The following WNT8A variants were observed in gnomAD, a reference collection of about 807,000 sequenced individuals.
WNT8A encodes the protein Wnt family member 8A.
WNT8A carries 14 observed loss-of-function variants against 20.5 expected under a neutral mutation model. The observed-to-expected ratio is 0.68, with a 90% CI of 0.45 to 1.07. The LOEUF (loss-of-function observed/expected upper bound fraction) is 1.07. WNT8A is among the 50% of genes least tolerant of loss of function. The pLI, the probability that WNT8A is intolerant of heterozygous loss-of-function variation, is 0.00. For synonymous variants in WNT8A, 167 were observed against 169.2 expected (o/e 0.99, Z 0.10); for missense variants, 397 against 462.9 (o/e 0.86, Z 1.31).
chr5:138,082,913 AAAT>A (rs1465535801), upstream of WNT8A, among the ~76,000 whole-genome samples: 963 of 141,334 alleles, frequency 6.8e-3, 15 homozygotes, highest in African/African-American at 0.023. Flanking sequence ...ATAAATAAAT[AAAT>A]AAATAAAATA....
At chr5:138,088,889 G>A (rs770328383) in intron 3 of WNT8A, 38 bp from the exon 4 acceptor site, 135 of 1,606,084 alleles carry the variant, frequency 8.4e-5, no homozygotes, top group Non-Finnish European at 1.1e-4. Flanking sequence ...GACTGAGCAT[G>A]GAGCTACACG....
At chr5:138,087,344 T>A (rs1353480533) in intron 2 of WNT8A, among the ~76,000 whole-genome samples, 1 of 110,926 alleles carries the variant, frequency 9.0e-6, no homozygotes. Context: ...TGAGACTCTG[T>A]CTCAAAACAA....
chr5:138,091,069 C>T lies in WNT8A; in HGVS notation c.1106C>T (p.Ala369Val), dbSNP rs755071324. Reference protein sequence around the residue: ...GSAQSLGKGSA With the variant: ...GSAQSLGKGSV ...GCCCAGTCCCTGGGTAAGGGCAGTG[C>T]CTGATAATACCCCACACAAGTTCAC... The change falls in exon 5 of 5, where the codon GCC becomes GTC. Residue 369 changes from alanine (A) to valine (V), a missense_variant. Ala to Val is a moderately conservative substitution (Grantham distance 64). Transcript: ENST00000506684. 1.9e-6 allele frequency: 3 copies of T among 1,607,886 alleles called. No individual in the cohort carries two copies. The highest frequency in any genetic ancestry group is 2.6e-6 in the Non-Finnish European group (3 of 1,176,370).
At chr5:138,090,068 AC>A (rs1235112712) in intron 4 of WNT8A, among the ~76,000 whole-genome samples, 1 of 152,202 alleles carries the variant, frequency 6.6e-6, no homozygotes, top group East Asian at 1.9e-4. Context: ...GACCCAGAGG[AC>A]AAATCCAAAC....
intron 2 of WNT8A, among the ~76,000 whole-genome samples, chr5:138,084,937 T>C (rs1750612266): frequency 6.6e-6 from 1 of 152,252 alleles, no homozygotes; most frequent in African/African-American, 2.4e-5. Context: ...AATTACTCTT[T>C]TTTTTTTTTC....
At chr5:138,084,316 C>G in intron 1 of WNT8A, 33 bp downstream of exon 1, 1 of 1,611,574 alleles carries the variant, frequency 6.2e-7, no homozygotes, top group Non-Finnish European at 8.5e-7. Flanking sequence ...TTTTTACCCA[C>G]TGAGGGCCCT....
Position 138,088,993 on chromosome 5 carries a change from T to C in WNT8A, c.488T>C (p.Leu163Pro). 2 of 1,613,968 alleles carry C rather than the reference T, an allele frequency of 1.2e-6. No individual in the cohort carries two copies. Among genetic ancestry groups the C allele is most frequent in the Non-Finnish European group, 1.7e-6 (2 of 1,180,020 alleles). Residue 163 changes from leucine (L) to proline (P), a missense_variant, in exon 4 of 5, where the codon CTC (leucine) becomes CCC (proline). Transcript: ENST00000506684. ...NVEFGERISK[L>P]FVDSLEKGKD... is the part of the protein sequence containing the mutation. ...GAATTTGGGGAAAGGATCTCCAAAC[T>C]CTTTGTGGACAGTTTGGAGAAGGGG...
At chr5:138,080,878 A>G (rs956726013), upstream of WNT8A, among the ~76,000 whole-genome samples, 1 of 152,150 alleles carries the variant, frequency 6.6e-6, no homozygotes, top group Non-Finnish European at 1.5e-5. Context: ...CCAAGGTCAC[A>G]CAACAAGCCC....
Position 138,084,275 on chromosome 5 carries a change from G to C in WNT8A, c.148G>C (p.Gly50Arg). The change falls in exon 1 of 5, where the codon GGT becomes CGT. Residue 50 changes from glycine (G) to arginine (R), a missense_variant. Physicochemically the swap from Gly to Arg is moderately radical, Grantham distance 125 (BLOSUM62 -2). Transcript: ENST00000506684. ...GTCAGTGAACAATTTCCTGATAACA[G>C]GTCCCAAGGTAGGATGATCTCCAGC... ...GRSVNNFLIT[G>R]PKAYLTYTTS... is the part of the protein sequence containing the mutation. 6.2e-7 allele frequency: 1 copy of C among 1,614,094 alleles called. No homozygotes were observed. The highest frequency in any genetic ancestry group is 8.5e-7 in the Non-Finnish European group (1 of 1,180,016).
At chr5:138,080,845 C>A (rs1750493605), upstream of WNT8A, among the ~76,000 whole-genome samples, 1 of 152,096 alleles carries the variant, frequency 6.6e-6, no homozygotes, top group Non-Finnish European at 1.5e-5. Flanking sequence ...GAATCTAAGT[C>A]CAGATGGTGG....
chr5:138,086,222 C>A lies in WNT8A; in HGVS notation c.296-1584C>A, dbSNP rs77488281. Reference sequence around the variant, plus strand: ...CTCATCATTCTTTATTTCTTTCTTTCTTTATTTATTTTTGAGACAGGGTTT... The same window carrying A: ...CTCATCATTCTTTATTTCTTTCTTTATTTATTTATTTTTGAGACAGGGTTT... On this transcript the variant is annotated intron_variant, in intron 2 of 4. Transcript: ENST00000506684. Among the ~76,000 whole-genome samples, 1,386 of 152,070 alleles carry A rather than the reference C, an allele frequency of 9.1e-3. 12 individuals carry two copies. Among genetic ancestry groups the A allele is most frequent in the Non-Finnish European group, 0.012 (816 of 67,958 alleles).
chr5:138,091,145 C>G lies in WNT8A; in HGVS notation c.*72C>G, dbSNP rs1750841830. 6.4e-7 allele frequency: 1 copy of G among 1,553,656 alleles called. No individual in the cohort carries two copies. The highest frequency in any genetic ancestry group is 8.6e-7 in the Non-Finnish European group (1 of 1,157,126). Reference sequence around the variant, plus strand: ...GACATAGCTTCTCTCTTAGAGAGAACAGATTGGAAAGCAATCGGAAAATTG... The same window carrying G: ...GACATAGCTTCTCTCTTAGAGAGAAGAGATTGGAAAGCAATCGGAAAATTG... On this transcript the variant is annotated 3_prime_UTR_variant, in exon 5 of 5. Coordinates refer to ENST00000506684, the MANE Select transcript of WNT8A (RefSeq NM_001300939.2).
chr5:138,078,923 G>A, the WNT8A span, among the ~76,000 whole-genome samples: 4 of 152,134 alleles, frequency 2.6e-5, no homozygotes, highest in Non-Finnish European at 5.9e-5. Flanking sequence ...AGAGGTGGAA[G>A]GGGTCTTCAG....
upstream of WNT8A, among the ~76,000 whole-genome samples, chr5:138,080,451 T>TG (rs772460841): frequency 0.01 from 970 of 93,670 alleles, 18 homozygotes; most frequent in Middle Eastern, 0.02. Flanking sequence ...CTTGTTTTTT[T>TG]TTTTTTTTTT....
Position 138,090,556 on chromosome 5 carries a change from G to A in WNT8A, c.593G>A (p.Cys198Tyr), listed in dbSNP as rs1175255994. Residue 198 changes from cysteine (C) to tyrosine (Y), a missense_variant, in exon 5 of 5, where the codon TGC becomes TAC. Coordinates refer to ENST00000506684, the MANE Select transcript of WNT8A (RefSeq NM_001300939.2). Reference sequence around the variant, plus strand: ...GTGAGAGCCACCATGAAAAGGACATGCAAATGTCATGGCATCTCTGGGAGC... The same window carrying A: ...GTGAGAGCCACCATGAAAAGGACATACAAATGTCATGGCATCTCTGGGAGC... ...LAVRATMKRT[C>Y]KCHGISGSCS... 1.2e-6 allele frequency: 2 copies of A among 1,614,112 alleles called. No individual in the cohort carries two copies. The highest frequency in any genetic ancestry group is 1.7e-6 in the Non-Finnish European group (2 of 1,179,988).
At chr5:138,085,274 C>A (rs570907571) in intron 2 of WNT8A, among the ~76,000 whole-genome samples, 1 of 152,216 alleles carries the variant, frequency 6.6e-6, no homozygotes, top group South Asian at 2.1e-4. Context: ...TATATTTGTG[C>A]GTTTGTACAC....
chr5:138,084,554 G>A lies in WNT8A; in HGVS notation c.213G>A (p.Glu71=). ...TGGGTGCCCAGAGTGGCATCGAGGA[G>A]TGCAAGTTCCAGTTTGCTTGGGAAC... ...VALGAQSGIE[E]CKFQFAWERW... is the part of the protein sequence containing the mutation. Residue 71 remains glutamate (E), a synonymous_variant, in exon 2 of 5, where the codon GAG becomes GAA. Coordinates refer to ENST00000506684, the MANE Select transcript of WNT8A (RefSeq NM_001300939.2). 1 of 1,613,928 alleles carries A rather than the reference G, an allele frequency of 6.2e-7. No homozygotes were observed.
chr5:138,084,339 C>G lies in WNT8A; in HGVS notation c.156+56C>G, dbSNP rs1024309218. Reference sequence around the variant, plus strand: ...CACTGAGGGCCCTAAGGGGACTCTTCTGGAGAAAAGAGGGGCGGGGACAGT... The same window carrying G: ...CACTGAGGGCCCTAAGGGGACTCTTGTGGAGAAAAGAGGGGCGGGGACAGT... On this transcript the variant is annotated intron_variant, in intron 1 of 4. Transcript: ENST00000506684. 9.4e-6 allele frequency: 15 copies of G among 1,598,916 alleles called. No individual in the cohort carries two copies. In the African/African-American group the frequency reaches 2.0e-4, roughly 21 times the overall value.
intron 3 of WNT8A, 83 bp from the exon 4 acceptor site, chr5:138,088,844 C>A: frequency 6.4e-7 from 1 of 1,555,792 alleles, no homozygotes; most frequent in Non-Finnish European, 8.7e-7. Context: ...GCTTTACACT[C>A]TAGGGCTCTT....
Sources: allele counts gnomAD v4.1 joint callset (sites outside exome capture counted in the v4.1 genomes callset), GRCh38; gene constraint gnomAD v4.1.1; transcripts MANE v1.5; gene names NCBI Gene and HGNC (gene_info 2026-07-23, HGNC 2026-07-21).